The following CPHXL variants were observed in gnomAD, a reference collection of about 807,000 sequenced individuals.
The protein encoded by CPHXL is cytoplasmic polyadenylated homeobox-like protein.
At chr16:75,722,730 G>T (rs1223506031) in intron 1 of CPHXL, among the ~76,000 whole-genome samples, 1 of 152,166 alleles carries the variant, frequency 6.6e-6, no homozygotes, top group Non-Finnish European at 1.5e-5. Flanking sequence ...GAAAAAGAGG[G>T]AATCCTCCCT....
chr16:75,724,877 A>C (rs949943923), intron 1 of CPHXL, among the ~76,000 whole-genome samples: 1 of 152,240 alleles, frequency 6.6e-6, no homozygotes, highest in Non-Finnish European at 1.5e-5. Flanking sequence ...AACCAAGCCA[A>C]ATGTCCAACA....
chr16:75,716,546 GAGCTTTCCTGCCCTCCCTGGATA>G (rs1959395196), intron 2 of CPHXL, among the ~76,000 whole-genome samples: 1 of 152,232 alleles, frequency 6.6e-6, no homozygotes, highest in Non-Finnish European at 1.5e-5. Context: ...AAGGGATGCA[GAGCTTTCCTGCCCTCCCTGGATA>G]AGCCACCTCC....
intron 2 of CPHXL, among the ~76,000 whole-genome samples, chr16:75,716,119 A>G (rs923077739): frequency 5.1e-5 from 5 of 97,610 alleles, no homozygotes; most frequent in Non-Finnish European, 7.8e-5. Context: ...TCTCTGAGGG[A>G]AAAAAAAAAA....
intron 1 of CPHXL, among the ~76,000 whole-genome samples, chr16:75,725,278 TAA>T (rs756510984): frequency 6.6e-6 from 1 of 151,654 alleles, no homozygotes; most frequent in African/African-American, 2.4e-5. Context: ...AGTATAATAA[TAA>T]AAAAAACTTT....
chr16:75,717,699 G>A (rs895161835), intron 2 of CPHXL, among the ~76,000 whole-genome samples: 3 of 152,122 alleles, frequency 2.0e-5, no homozygotes, highest in Admixed American at 1.3e-4. Context: ...GCAGTGGTAT[G>A]ATCAGGGCTG....
intron 1 of CPHXL, among the ~76,000 whole-genome samples, chr16:75,724,779 A>G (rs548387807): frequency 2.5e-3 from 384 of 152,356 alleles, no homozygotes; most frequent in Middle Eastern, 3.4e-3. Flanking sequence ...TACTGGGTAT[A>G]TACCCAAAGG....
intron 2 of CPHXL, among the ~76,000 whole-genome samples, chr16:75,717,229 G>A (rs1309992696): frequency 1.3e-5 from 2 of 152,144 alleles, no homozygotes; most frequent in Non-Finnish European, 2.9e-5. Context: ...CTCATCCACT[G>A]CTTCCAAATT....
intron 1 of CPHXL, among the ~76,000 whole-genome samples, chr16:75,722,661 T>C (rs996944374): frequency 2.6e-5 from 4 of 152,226 alleles, no homozygotes; most frequent in African/African-American, 9.6e-5. Context: ...ACAGCCGAAT[T>C]CTACCAGAGG....
intron 1 of CPHXL, among the ~76,000 whole-genome samples, chr16:75,723,470 G>A (rs1428878613): frequency 6.6e-6 from 1 of 152,128 alleles, no homozygotes; most frequent in Admixed American, 6.5e-5. Context: ...GACAAACAGA[G>A]AGCCAAATCA....
chr16:75,723,486 G>A (rs912537101), intron 1 of CPHXL, among the ~76,000 whole-genome samples: 6 of 152,168 alleles, frequency 3.9e-5, no homozygotes, highest in Non-Finnish European at 7.4e-5. Flanking sequence ...AATCATGAGT[G>A]AACTCCCATT....
At chr16:75,717,164 C>T (rs1418039227) in intron 2 of CPHXL, among the ~76,000 whole-genome samples, 1 of 152,234 alleles carries the variant, frequency 6.6e-6, no homozygotes. Context: ...TCCACCTGCA[C>T]AGCTAGCAAG....
chr16:75,723,852 T>C (rs940954824), intron 1 of CPHXL, among the ~76,000 whole-genome samples: 1 of 152,148 alleles, frequency 6.6e-6, no homozygotes, highest in African/African-American at 2.4e-5. Flanking sequence ...CTTCAAACTA[T>C]ACTACAAGGC....
intron 2 of CPHXL, among the ~76,000 whole-genome samples, chr16:75,716,708 G>A (rs957783010): frequency 6.6e-5 from 10 of 152,134 alleles, no homozygotes; most frequent in Admixed American, 1.3e-4. Context: ...TTAACCTTCA[G>A]CTCCACCTCC....
At chr16:75,719,704 A>G (rs1173523693) in intron 1 of CPHXL, among the ~76,000 whole-genome samples, 1 of 152,244 alleles carries the variant, frequency 6.6e-6, no homozygotes, top group East Asian at 1.9e-4. Flanking sequence ...AAAAGGCAGC[A>G]GAATCATCTT....
intron 1 of CPHXL, among the ~76,000 whole-genome samples, chr16:75,723,095 G>A (rs960407170): frequency 3.9e-5 from 6 of 152,296 alleles, no homozygotes; most frequent in Admixed American, 6.5e-5. Flanking sequence ...TTGATGGGAT[G>A]TATCTCAAAA....
At chr16:75,720,944 A>G (rs1435261711) in intron 1 of CPHXL, among the ~76,000 whole-genome samples, 3 of 152,220 alleles carry the variant, frequency 2.0e-5, no homozygotes, top group African/African-American at 7.2e-5. Context: ...GTGGGGGCCA[A>G]TATTCAATAT....
rs1038039705 is a variant in CPHXL, at chr16:75,714,995, A to T, written c.447T>A (p.Ser149Arg). Residue 149 changes from serine to arginine, a missense_variant, in exon 3 of 3, where the codon AGT becomes AGA. Coordinates refer to ENST00000640559, the MANE Select transcript of CPHXL (RefSeq NM_001355613.1). ...CSHLEKQWIPSQEMGYNCFSL... is the reference protein window; with the variant it reads ...CSHLEKQWIPRQEMGYNCFSL... The stretch of plus-strand genomic sequence containing the variant: ...AGAAACAATTATAGCCCATTTCTTG[A>T]CTGGGAATCCACTGTTTCTCCAGAT... 2.3e-5 allele frequency: 9 copies of T among 398,512 alleles called. No homozygotes were observed. The highest frequency in any genetic ancestry group is 3.1e-5 in the Non-Finnish European group (7 of 226,088). 24.7% of individuals were successfully genotyped at this position (398,512 alleles called of 1,614,324 possible).
In CPHXL at chr16:75,724,345, G is replaced by C. The variant is rs373900366; in HGVS notation, c.25+2073C>G. 3.2e-4 allele frequency among the ~76,000 whole-genome samples: 49 copies of C among 152,236 alleles called. No individual in the cohort carries two copies. In the East Asian group the frequency reaches 8.5e-3, roughly 26 times the overall value. On this transcript the variant is annotated intron_variant, in intron 1 of 2. Transcript: ENST00000640559. ...CATCAGAGTGAACAGGCAACCTACA[G>C]AATGGGAGAAAATTTTTGCAATCTA...
chr16:75,720,040 G>A (rs1259972419), intron 1 of CPHXL, among the ~76,000 whole-genome samples: 1 of 152,214 alleles, frequency 6.6e-6, no homozygotes, highest in East Asian at 1.9e-4. Flanking sequence ...GTAGCTGAGG[G>A]TCCTGACTGT....
Sources: allele counts gnomAD v4.1 joint callset (sites outside exome capture counted in the v4.1 genomes callset), GRCh38; gene constraint gnomAD v4.1.1; transcripts MANE v1.5; gene names NCBI Gene and HGNC (gene_info 2026-07-23, HGNC 2026-07-21).